Variants in WDFY2 observed in about 807,000 individuals in gnomAD.
WDFY2 encodes WD repeat and FYVE domain-containing protein 2.
In WDFY2, 36 loss-of-function variants were observed where a neutral mutation model predicts 56.4. That is an observed-to-expected ratio of 0.64 (90% CI 0.49 to 0.84). The LOEUF is 0.84. WDFY2 is among the 40% of genes least tolerant of loss of function. WDFY2 has a pLI of 0.00. For missense variants in WDFY2, 444 were observed against 512.2 expected (o/e 0.87, Z 1.29); for synonymous variants, 176 against 183.7 (o/e 0.96, Z 0.34).
At chr13:51,653,012 T>C (rs1955427516) in intron 1 of WDFY2, among the ~76,000 whole-genome samples, 1 of 152,252 alleles carries the variant, frequency 6.6e-6, no homozygotes, top group African/African-American at 2.4e-5. Context: ...TCCAACTTGG[T>C]TCCATTCTCC....
chr13:51,646,464 A>G (rs1955264628), intron 1 of WDFY2, among the ~76,000 whole-genome samples: 1 of 152,222 alleles, frequency 6.6e-6, no homozygotes, highest in South Asian at 2.1e-4. Context: ...CAGCATGGGC[A>G]TCTCCATACC....
intron 5 of WDFY2, among the ~76,000 whole-genome samples, chr13:51,722,110 A>G (rs1171776218): frequency 6.6e-6 from 1 of 151,774 alleles, no homozygotes; most frequent in African/African-American, 2.4e-5. Context: ...ATCAACATAA[A>G]AGATTATGAA....
intron 8 of WDFY2, among the ~76,000 whole-genome samples, chr13:51,754,907 A>T (rs1316014360): frequency 6.6e-6 from 1 of 152,156 alleles, no homozygotes; most frequent in African/African-American, 2.4e-5. Flanking sequence ...AATGGTAATA[A>T]GCTGGTATTT....
chr13:51,739,992 A>G (rs1952931661), intron 7 of WDFY2, among the ~76,000 whole-genome samples: 1 of 152,236 alleles, frequency 6.6e-6, no homozygotes, highest in Non-Finnish European at 1.5e-5. Flanking sequence ...AAGTTTTCAA[A>G]ATGATATTGA....
At chr13:51,714,453 G>A (rs967424210) in intron 4 of WDFY2, among the ~76,000 whole-genome samples, 9 of 151,934 alleles carry the variant, frequency 5.9e-5, no homozygotes, top group African/African-American at 1.9e-4. Context: ...CACCATGCCC[G>A]GCTAATTTTT....
chr13:51,595,802 C>T lies in WDFY2; in HGVS notation c.137+10978C>T, dbSNP rs570253327. Reference sequence around the variant, plus strand: ...TAAAAAATCAAGACACCTTTTATAACAGATGCTGATGTACCCAGTAAATAT... The same window carrying T: ...TAAAAAATCAAGACACCTTTTATAATAGATGCTGATGTACCCAGTAAATAT... On this transcript the variant is annotated intron_variant, in intron 1 of 11. Coordinates refer to ENST00000298125, the MANE Select transcript of WDFY2 (RefSeq NM_052950.4). 1.3e-4 allele frequency among the ~76,000 whole-genome samples: 20 copies of T among 152,250 alleles called. No homozygotes were observed. In the South Asian group the frequency reaches 4.1e-3, roughly 32 times the overall value.
At chr13:51,712,051 T>C (rs1430626214) in intron 4 of WDFY2, among the ~76,000 whole-genome samples, 2 of 152,202 alleles carry the variant, frequency 1.3e-5, no homozygotes, top group African/African-American at 2.4e-5. Flanking sequence ...CCAACCCAAA[T>C]GTCCATCAAT....
At chr13:51,591,523 A>T (rs1327047566) in intron 1 of WDFY2, 1 of 152,242 alleles carries the variant, frequency 6.6e-6, no homozygotes, top group Non-Finnish European at 1.5e-5. Flanking sequence ...TAAAAAATAT[A>T]GTTAGCATTG....
Position 51,759,724 on chromosome 13 carries a change from C to T in WDFY2, c.1174-16C>T. 1.2e-6 allele frequency: 2 copies of T among 1,613,782 alleles called. No homozygotes were observed. The highest frequency in any genetic ancestry group is 1.7e-6 in the Non-Finnish European group (2 of 1,179,802). On this transcript the variant is annotated splice_polypyrimidine_tract_variant and intron_variant, in intron 11 of 11. Coordinates refer to ENST00000298125, the MANE Select transcript of WDFY2 (RefSeq NM_052950.4). ...ACAATTTTAGTTCATTCTGTATCTTCTTTTTCTTTTTGCAGTTGTGGGATA... is the reference window on the plus strand; with the variant it reads ...ACAATTTTAGTTCATTCTGTATCTTTTTTTTCTTTTTGCAGTTGTGGGATA...
At chr13:51,630,067 C>G (rs1218387001) in intron 1 of WDFY2, among the ~76,000 whole-genome samples, 1 of 152,096 alleles carries the variant, frequency 6.6e-6, no homozygotes, top group Non-Finnish European at 1.5e-5. Context: ...ATCTCCAGCA[C>G]ATTAACAGTG....
intron 1 of WDFY2, among the ~76,000 whole-genome samples, chr13:51,604,108 C>G (rs1954339456): frequency 1.3e-5 from 2 of 152,080 alleles, no homozygotes; most frequent in Non-Finnish European, 2.9e-5. Context: ...AAAGTTAATG[C>G]AAAAACATTT....
chr13:51,688,365 T>C (rs1002829942), intron 3 of WDFY2, among the ~76,000 whole-genome samples: 1 of 152,334 alleles, frequency 6.6e-6, no homozygotes, highest in Non-Finnish European at 1.5e-5. Flanking sequence ...TTTTTTTCTT[T>C]GCTCATAGAG....
chr13:51,628,618 C>A (rs1473299957), intron 1 of WDFY2, among the ~76,000 whole-genome samples: 4 of 152,224 alleles, frequency 2.6e-5, no homozygotes, highest in African/African-American at 9.6e-5. Context: ...CGGCACCCCC[C>A]CTGCTGCAGC....
intron 1 of WDFY2, among the ~76,000 whole-genome samples, chr13:51,600,532 A>G (rs1490973715): frequency 6.6e-6 from 1 of 152,120 alleles, no homozygotes; most frequent in Admixed American, 6.5e-5. Flanking sequence ...TGAATTTTAC[A>G]TTACAGTCTA....
chr13:51,732,952 T>G (rs1328695722), intron 6 of WDFY2, among the ~76,000 whole-genome samples: 2 of 152,212 alleles, frequency 1.3e-5, no homozygotes, highest in Non-Finnish European at 2.9e-5. Flanking sequence ...GGAGCCCTGA[T>G]GTGCACAGAG....
chr13:51,653,276 C>G (rs1955439003), intron 1 of WDFY2, among the ~76,000 whole-genome samples: 1 of 152,198 alleles, frequency 6.6e-6, no homozygotes. Context: ...AAGGACTACT[C>G]TGCATTGGTT....
chr13:51,656,372 A>G (rs1395357425), intron 1 of WDFY2, among the ~76,000 whole-genome samples: 3 of 151,940 alleles, frequency 2.0e-5, no homozygotes, highest in Admixed American at 6.5e-5. Context: ...TATGATTTCA[A>G]TTTTAAAATT....
At chr13:51,731,073 G>A (rs962496829) in intron 6 of WDFY2, among the ~76,000 whole-genome samples, 1 of 152,212 alleles carries the variant, frequency 6.6e-6, no homozygotes, top group African/African-American at 2.4e-5. Context: ...CCCTTGAGAT[G>A]GGACTGTGAC....
Position 51,765,853 on chromosome 13 carries a change from C to A in WDFY2, c.*6084C>A, listed in dbSNP as rs1279727990. ...GGTACCATCTCATTAAAAATAGATA[C>A]CTCAAAATGTTTACCTTTACAAGTC... On this transcript the variant is annotated 3_prime_UTR_variant, in exon 12 of 12. Transcript: ENST00000298125. 6.6e-6 allele frequency: 1 copy of A among 152,076 alleles called. No homozygotes were observed. Among genetic ancestry groups the A allele is most frequent in the Non-Finnish European group, 1.5e-5 (1 of 68,024 alleles). 9.4% of individuals were successfully genotyped at this position (152,076 alleles called of 1,614,324 possible).
Sources: gnomAD v4.1 joint callset for allele counts (sites outside exome capture counted in the v4.1 genomes callset) on GRCh38, gnomAD v4.1.1 for gene constraint, MANE v1.5 for transcripts, NCBI Gene and HGNC (gene_info 2026-07-23, HGNC 2026-07-21) for gene names.